Variants in MUC5AC observed in about 807,000 individuals in gnomAD.
The protein encoded by MUC5AC is mucin-5AC.
A neutral mutation model predicts 169.7 loss-of-function variants in MUC5AC; 158 were observed. The ratio of observed to expected loss-of-function variants is 0.93; its 90% confidence interval spans 0.82 to 1.06. The LOEUF is 1.06. MUC5AC is among the 50% of genes least tolerant of loss of function. MUC5AC has a pLI of 0.00. For missense variants in MUC5AC, 4,359 were observed against 3,089.9 expected (o/e 1.41, Z -9.74); for synonymous variants, 1,975 against 1,237.0 (o/e 1.60, Z -12.52).
At chr11:1,195,663 A>G (rs1418579277) in intron 36 of MUC5AC, among the ~76,000 whole-genome samples, 5 of 151,864 alleles carry the variant, frequency 3.3e-5, no homozygotes, top group Admixed American at 6.5e-5. Flanking sequence ...GCAGAAATAA[A>G]TGGATGATGC....
At chr11:1,161,146 G>A (rs903894054) in intron 2 of MUC5AC, among the ~76,000 whole-genome samples, 2 of 152,222 alleles carry the variant, frequency 1.3e-5, no homozygotes, top group Non-Finnish European at 2.9e-5. Flanking sequence ...AGGGCAGGGG[G>A]CTTCAGGCAA....
In MUC5AC at chr11:1,187,079, T is replaced by G; in HGVS notation, c.8934T>G (p.Thr2978=). The part of the protein sequence containing the change: ...STTSTTSGPG[T]TPSPVPTTST... ...CCAGCACAACCTCTGGTCCTGGAAC[T>G]ACTCCCAGCCCTGTTCCCACCACCA... The change falls in exon 31 of 49, where the codon ACT becomes ACG. Residue 2978 remains threonine (T), a synonymous_variant. Coordinates refer to ENST00000621226, the MANE Select transcript of MUC5AC (RefSeq NM_001304359.2). 1.4e-6 allele frequency: 1 copy of G among 734,632 alleles called. No individual in the cohort carries two copies. The highest frequency in any genetic ancestry group is 2.5e-6 in the Non-Finnish European group (1 of 406,006). The allele number at this position is 734,632 out of a possible 1,614,324, so 45.5% of individuals were successfully genotyped here. A position where few individuals can be genotyped will look rare whatever the true frequency, so the allele number is the denominator to read the frequency against.
At chr11:1,179,606 G>A (rs1860765314) in intron 26 of MUC5AC, among the ~76,000 whole-genome samples, 1 of 125,090 alleles carries the variant, frequency 8.0e-6, no homozygotes, top group Admixed American at 7.6e-5. Flanking sequence ...GGGTTCAGCA[G>A]AGCTGCCCAG....
Position 1,192,332 on chromosome 11 carries a change from A to C in MUC5AC, c.14187A>C (p.Arg4729Ser). The change falls in exon 31 of 49, where the codon AGA (arginine) becomes AGC (serine). Residue 4729 changes from arginine to serine, a missense_variant. Physicochemically the swap from Arg to Ser is moderately radical, Grantham distance 110 (BLOSUM62 -1). Transcript: ENST00000621226. ...EVRVLCCETP[R>S]GCPVTSVTPY... is the part of the protein sequence containing the mutation. Reference sequence around the variant, plus strand: ...GCGTGCTCTGCTGCGAGACCCCCAGAGGCTGCCCGGTGACCTCTGTGACCC... The same window carrying C: ...GCGTGCTCTGCTGCGAGACCCCCAGCGGCTGCCCGGTGACCTCTGTGACCC... 1.3e-6 allele frequency: 1 copy of C among 765,070 alleles called. No individual in the cohort carries two copies. Among genetic ancestry groups the C allele is most frequent in the Non-Finnish European group, 2.4e-6 (1 of 417,888 alleles). 47.4% of individuals were successfully genotyped at this position (765,070 alleles called of 1,614,324 possible). A position where few individuals can be genotyped will look rare whatever the true frequency, so the allele number is the denominator to read the frequency against.
At chr11:1,175,850 C>T (rs1213784716) in intron 19 of MUC5AC, among the ~76,000 whole-genome samples, 1 of 135,302 alleles carries the variant, frequency 7.4e-6, no homozygotes, top group African/African-American at 2.9e-5. Context: ...CTCACACACC[C>T]ACTTATGGAC....
chr11:1,177,643 C>T lies in MUC5AC; in HGVS notation c.3087+10C>T, dbSNP rs923196639. 9 of 398,554 alleles carry T rather than the reference C, an allele frequency of 2.3e-5. No individual in the cohort carries two copies. The highest frequency in any genetic ancestry group is 4.1e-5 in the African/African-American group (2 of 48,592). The allele number at this position is 398,554 out of a possible 1,614,324, so 24.7% of individuals were successfully genotyped here. On this transcript the variant is annotated intron_variant, in intron 24 of 48. Coordinates refer to ENST00000621226, the MANE Select transcript of MUC5AC (RefSeq NM_001304359.2). ...CAGCCCCGAGTTCAAGGTGAGACCA[C>T]GCCCCTCGTCCAGGCCAGGGCCGGC...
Position 1,196,015 on chromosome 11 carries a change from A to T in MUC5AC, c.15598A>T (p.Ile5200Phe), listed in dbSNP as rs999912054. 1 of 764,878 alleles carries T rather than the reference A, an allele frequency of 1.3e-6. No individual in the cohort carries two copies. The highest frequency in any genetic ancestry group is 2.4e-6 in the Non-Finnish European group (1 of 417,768). 47.4% of individuals were successfully genotyped at this position (764,878 alleles called of 1,614,324 possible). ...CGCGGCACTCTGTGCGTCCCACGAC[A>T]TCTGCATCGATTGGAGAGGCCGGAC... ...LYAALCASHD[I>F]CIDWRGRTGH... The change falls in exon 37 of 49, where the codon ATC becomes TTC. Residue 5200 changes from isoleucine to phenylalanine, a missense_variant. Ile to Phe is a conservative substitution (Grantham distance 21). Coordinates refer to ENST00000621226, the MANE Select transcript of MUC5AC (RefSeq NM_001304359.2).
Position 1,199,129 on chromosome 11 carries a change from T to C in MUC5AC, c.16339T>C (p.Cys5447Arg). 1.3e-6 allele frequency: 1 copy of C among 764,720 alleles called. No homozygotes were observed. The highest frequency in any genetic ancestry group is 2.4e-6 in the Non-Finnish European group (1 of 417,724). The allele number at this position is 764,720 out of a possible 1,614,324, so 47.4% of individuals were successfully genotyped here. A position where few individuals can be genotyped will look rare whatever the true frequency, so the allele number is the denominator to read the frequency against. The change falls in exon 45 of 49, where the codon TGT becomes CGT. Residue 5447 changes from cysteine (C) to arginine (R), a missense_variant. Physicochemically the swap from Cys to Arg is radical, Grantham distance 180. Transcript: ENST00000621226. The stretch of plus-strand genomic sequence containing the variant: ...GCAGAGCGGGCAGTGCTGTGGCACC[T>C]GTGTGCAGGTCGCCTGTGTCACCAA... ...QEQSGQCCGTCVQVACVTNTS... is the reference protein window; with the variant it reads ...QEQSGQCCGTRVQVACVTNTS...
chr11:1,182,554 A>G lies in MUC5AC; in HGVS notation c.4409A>G (p.Gln1470Arg), dbSNP rs1860840322. The G allele has an allele frequency of 7.5e-6, 3 of 398,556 alleles. No homozygotes were observed. Among genetic ancestry groups the G allele is most frequent in the African/African-American group, 2.1e-5 (1 of 48,600 alleles). 24.7% of individuals were successfully genotyped at this position (398,556 alleles called of 1,614,324 possible). Residue 1470 changes from glutamine (Q) to arginine (R), a missense_variant, in exon 31 of 49, where the codon CAG becomes CGG. Physicochemically the swap from Gln to Arg is conservative, Grantham distance 43 (BLOSUM62 1). Transcript: ENST00000621226. The stretch of plus-strand genomic sequence containing the variant: ...GCATCGGGGCTCTGCTACAACTACC[A>G]GATCAGGGTCCAGTGCTGCACGCCC... The part of the protein sequence containing the change: ...EQASGLCYNY[Q>R]IRVQCCTPLP...
At position 1,186,312 on chromosome 11, in the gene MUC5AC, A is replaced by G. The variant is rs2133758306; in HGVS notation, c.8167A>G (p.Ser2723Gly). ...AAGCACAACCTCTGCCCCTACAACC[A>G]GCACAATCTCGGCCCCAACAACCAG... ...TTSTTSAPTTSTISAPTTSTT... is the reference protein window; with the variant it reads ...TTSTTSAPTTGTISAPTTSTT... Residue 2723 changes from serine to glycine, a missense_variant, in exon 31 of 49, where the codon AGC (serine) becomes GGC (glycine). Physicochemically the swap from Ser to Gly is moderately conservative, Grantham distance 56 (BLOSUM62 0). Transcript: ENST00000621226. 4.1e-6 allele frequency: 3 copies of G among 725,128 alleles called. No homozygotes were observed. In the East Asian group the frequency reaches 7.7e-5, roughly 19 times the overall value. 44.9% of individuals were successfully genotyped at this position (725,128 alleles called of 1,614,324 possible). A position where few individuals can be genotyped will look rare whatever the true frequency, so the allele number is the denominator to read the frequency against.
rs369576988 is a variant in MUC5AC at position 1,165,435 on chromosome 11, C to G, written c.1247+16C>G. On this transcript the variant is annotated intron_variant, in intron 10 of 48. Coordinates refer to ENST00000621226, the MANE Select transcript of MUC5AC (RefSeq NM_001304359.2). ...GCACCAACTGGTAGGTCCCAGCCCC[C>G]CTCCAGGCCACCAAGGATGTGCTAT... 4.1e-5 allele frequency: 59 copies of G among 1,455,800 alleles called. No individual in the cohort carries two copies. The highest frequency in any genetic ancestry group is 3.7e-4 in the Middle Eastern group (2 of 5,432). 90.2% of individuals were successfully genotyped at this position (1,455,800 alleles called of 1,614,324 possible).
chr11:1,194,411 C>G, intron 34 of MUC5AC, 51 bp downstream of exon 34: 1 of 709,828 alleles, frequency 1.4e-6, no homozygotes, highest in Non-Finnish European at 2.6e-6. Flanking sequence ...GCGGCTTTCC[C>G]GGCAAGAGCC....
In MUC5AC at chr11:1,187,751, C is replaced by T. The variant is rs1860989843; in HGVS notation, c.9606C>T (p.Thr3202=). The T allele has an allele frequency of 1.3e-6, 1 of 765,006 alleles. No individual in the cohort carries two copies. The highest frequency in any genetic ancestry group is 2.4e-6 in the Non-Finnish European group (1 of 417,864). 47.4% of individuals were successfully genotyped at this position (765,006 alleles called of 1,614,324 possible). The change falls in exon 31 of 49, where the codon ACC becomes ACT. Residue 3202 remains threonine, a synonymous_variant. Transcript: ENST00000621226. ...CCAGCACAGCCTCTGTTTCAAAGAC[C>T]AGCACAAGCCATGTTTCCATATCCA... ...PTTSTASVSK[T]STSHVSISKT...
In MUC5AC at chr11:1,164,276, T is replaced by C. The variant is rs773158736; in HGVS notation, c.960T>C (p.His320=). The C allele has an allele frequency of 3.7e-6, 6 of 1,612,582 alleles. No homozygotes were observed. In the African/African-American group the frequency reaches 5.3e-5, roughly 14 times the overall value. The part of the protein sequence containing the change: ...TLAEYSRQCT[H]AGGLPQDWRG... ...CCGAGTACTCCCGGCAGTGCACCCATGCAGGGGGGTTGCCCCAGGACTGGC... is the reference window on the plus strand; with the variant it reads ...CCGAGTACTCCCGGCAGTGCACCCACGCAGGGGGGTTGCCCCAGGACTGGC... Residue 320 remains histidine, a synonymous_variant, in exon 8 of 49, where the codon CAT becomes CAC. Transcript: ENST00000621226.
chr11:1,175,800 C>CCACTCATGCACA (rs1554926826), intron 19 of MUC5AC, among the ~76,000 whole-genome samples: 4 of 34,134 alleles, frequency 1.2e-4, no homozygotes, highest in African/African-American at 2.5e-4. Flanking sequence ...GCACTCACAC[C>CCACTCATGCACA]CACCCACTCA....
At chr11:1,176,468 C>G (rs942968052) in intron 20 of MUC5AC, 46 bp from the exon 21 acceptor site, 5,751 of 398,826 alleles carry the variant, frequency 0.014, 310 homozygotes, top group African/African-American at 0.11. Context: ...ACCTGGCAGG[C>G]CCCGTGCCCT....
chr11:1,165,559 CGCGGAG>C lies in MUC5AC; in HGVS notation c.1248-60_1248-55del. 23 of 1,601,576 alleles carry C rather than the reference CGCGGAG, an allele frequency of 1.4e-5. 1 individual carries two copies. The South Asian group carries it at 2.4e-4, about 17-fold the overall frequency. ...GGGTGAGACCCGGTCAGCCTCCTGA[CGCGGAG>C]GCTGGAGGCTGGTCTCCTGGGGCCG... On this transcript the variant is annotated intron_variant, in intron 10 of 48. Coordinates refer to ENST00000621226, the MANE Select transcript of MUC5AC (RefSeq NM_001304359.2).
intron 24 of MUC5AC, 99 bp from the exon 25 acceptor site, chr11:1,178,345 C>T: frequency 2.8e-6 from 1 of 357,858 alleles, no homozygotes; most frequent in Admixed American, 4.8e-5. Flanking sequence ...GGCCGCAGGG[C>T]AGGGTGGCCC....
chr11:1,180,169 G>GGT lies in MUC5AC; in HGVS notation c.3613+19_3613+20insGT, dbSNP rs1564912366. The GGT allele has an allele frequency of 4.1e-6, 1 of 246,222 alleles. No homozygotes were observed. The highest frequency in any genetic ancestry group is 6.3e-6 in the Non-Finnish European group (1 of 157,954). 15.3% of individuals were successfully genotyped at this position (246,222 alleles called of 1,614,324 possible). On this transcript the variant is annotated intron_variant, in intron 27 of 48. Coordinates refer to ENST00000621226, the MANE Select transcript of MUC5AC (RefSeq NM_001304359.2). ...CTGGAAGGTGGGCTGGGGCCGGTCG[G>GGT]AGGGTGGCCTGGGCTCCGCCGCCTG...
Sources: gnomAD v4.1 joint callset for allele counts (sites outside exome capture counted in the v4.1 genomes callset) on GRCh38, gnomAD v4.1.1 for gene constraint, MANE v1.5 for transcripts, NCBI Gene and HGNC (gene_info 2026-07-23, HGNC 2026-07-21) for gene names.